MANSC4: variants seen among roughly 807,000 people sequenced by gnomAD.
MANSC4 encodes MANSC domain-containing protein 4.
In MANSC4, 11 loss-of-function variants were observed where a neutral mutation model predicts 11.4. The observed-to-expected ratio is 0.97, with a 90% CI of 0.61 to 1.60. The LOEUF (loss-of-function observed/expected upper bound fraction) is 1.60. Among genes scored for constraint, MANSC4 ranks in the 40% most tolerant of loss-of-function variants. The pLI is 0.00. For synonymous variants in MANSC4, 123 were observed against 147.1 expected (o/e 0.84, Z 1.19); for missense variants, 354 against 404.6 (o/e 0.88, Z 1.07).
intron 3 of MANSC4, 78 bp from the exon 4 acceptor site, chr12:27,763,474 G>A: frequency 7.3e-7 from 1 of 1,372,532 alleles, no homozygotes; most frequent in Non-Finnish European, 9.8e-7. Flanking sequence ...TGGAGAAGGG[G>A]TTGGCTTTTG....
At position 27,766,819 on chromosome 12, in the gene MANSC4, A is replaced by G. The variant is rs1324633468; in HGVS notation, c.230-20T>C. 2 of 1,549,558 alleles carry G rather than the reference A, an allele frequency of 1.3e-6. No individual in the cohort carries two copies. Among genetic ancestry groups the G allele is most frequent in the Non-Finnish European group, 1.7e-6 (2 of 1,146,196 alleles). ...AGGAAACTGAAAGGGAAACAAGCGAAGTACATCTGCAGATGGTCTCAATTT... is the reference window on the plus strand; with the variant it reads ...AGGAAACTGAAAGGGAAACAAGCGAGGTACATCTGCAGATGGTCTCAATTT... On this transcript the variant is annotated intron_variant, in intron 2 of 3. Transcript: ENST00000381273.
At chr12:27,778,724 C>T (rs2062129515) in intron 1 of MANSC4, among the ~76,000 whole-genome samples, 1 of 152,208 alleles carries the variant, frequency 6.6e-6, no homozygotes, top group Non-Finnish European at 1.5e-5. Flanking sequence ...CTTCTCCCTT[C>T]TCCTACCCAA....
intron 3 of MANSC4, among the ~76,000 whole-genome samples, chr12:27,765,068 C>G (rs1161385357): frequency 6.6e-6 from 1 of 152,140 alleles, no homozygotes; most frequent in Non-Finnish European, 1.5e-5. Flanking sequence ...AACTCCTGGG[C>G]TCAAGTGATC....
chr12:27,769,583 C>T (rs2062091168), intron 2 of MANSC4, among the ~76,000 whole-genome samples: 1 of 152,242 alleles, frequency 6.6e-6, no homozygotes, highest in Admixed American at 6.5e-5. Context: ...TATCTCCCCT[C>T]AGTGAGGACT....
At chr12:27,769,540 G>C (rs941396378) in intron 2 of MANSC4, among the ~76,000 whole-genome samples, 3 of 152,182 alleles carry the variant, frequency 2.0e-5, no homozygotes, top group Admixed American at 2.0e-4. Context: ...TTCATGCTAC[G>C]GGAAAATTCA....
At position 27,767,756 on chromosome 12, in the gene MANSC4, A is replaced by G. The variant is rs189527163; in HGVS notation, c.230-957T>C. Among the ~76,000 whole-genome samples, 418 of 152,320 alleles carry G rather than the reference A, an allele frequency of 2.7e-3. 3 individuals are homozygous for G. Among genetic ancestry groups the G allele is most frequent in the African/African-American group, 9.8e-3 (406 of 41,582 alleles). On this transcript the variant is annotated intron_variant, in intron 2 of 3. Transcript: ENST00000381273. ...ATTTATATATCAGGTTTCTAGGCAC[A>G]GTGTCCTCTCAGAATACTAAGGGGC...
chr12:27,764,347 CCTTA>C (rs886283983), intron 3 of MANSC4, among the ~76,000 whole-genome samples: 11 of 152,130 alleles, frequency 7.2e-5, no homozygotes, highest in African/African-American at 2.7e-4. Flanking sequence ...TCAATTGTTT[CCTTA>C]CTTCCTGATC....
intron 2 of MANSC4, 78 bp from the exon 3 acceptor site, chr12:27,766,877 T>C: frequency 6.9e-7 from 1 of 1,457,204 alleles, no homozygotes; most frequent in Non-Finnish European, 9.3e-7. Context: ...GTAACTTAGA[T>C]TTGTTTCAGG....
At chr12:27,774,012 GTGGCACACGGCTGTAATCC>G (rs2062109842) in intron 1 of MANSC4, among the ~76,000 whole-genome samples, 1 of 152,098 alleles carries the variant, frequency 6.6e-6, no homozygotes, top group Non-Finnish European at 1.5e-5. Flanking sequence ...GCTGGGTGTG[GTGGCACACGGCTGTAATCC>G]CAGCTACTCG....
At position 27,771,127 on chromosome 12, in the gene MANSC4, C is replaced by A. The variant is rs866584483; in HGVS notation, c.150G>T (p.Lys50Asn). 2 of 1,551,874 alleles carry A rather than the reference C, an allele frequency of 1.3e-6. No individual in the cohort carries two copies. Among genetic ancestry groups the A allele is most frequent in the African/African-American group, 1.4e-5 (1 of 73,200 alleles). Residue 50 changes from lysine to asparagine, a missense_variant, in exon 2 of 4, where the codon AAG becomes AAT. By Grantham distance (94) the Lys-to-Asn change is moderately conservative. Transcript: ENST00000381273. ...AATACTTCAAGAACTGGGCTCCCAGCTTCTGAGACTCCTCCAGATTGATTA... is the reference window on the plus strand; with the variant it reads ...AATACTTCAAGAACTGGGCTCCCAGATTCTGAGACTCCTCCAGATTGATTA... ...GLLINLEESQ[K>N]LGAQFLKYYS...
In MANSC4 at chr12:27,770,969, C is replaced by T. The variant is rs538909787; in HGVS notation, c.229+79G>A. On this transcript the variant is annotated intron_variant, in intron 2 of 3. Coordinates refer to ENST00000381273, the MANE Select transcript of MANSC4 (RefSeq NM_001146221.5). ...GTTCTTTACAACTGTTTACTGGCCTCTGCCTAAGGCTCCTCACTTAGGGCT... is the reference window on the plus strand; with the variant it reads ...GTTCTTTACAACTGTTTACTGGCCTTTGCCTAAGGCTCCTCACTTAGGGCT... The T allele has an allele frequency of 3.7e-5, 40 of 1,069,350 alleles. No individual in the cohort carries two copies. The African/African-American group carries it at 6.4e-4, about 17-fold the overall frequency. The allele number at this position is 1,069,350 out of a possible 1,614,324, so 66.2% of individuals were successfully genotyped here.
At position 27,762,984 on chromosome 12, in the gene MANSC4, T is replaced by G. The variant is rs747863783; in HGVS notation, c.777A>C (p.Leu259=). The G allele has an allele frequency of 5.2e-6, 8 of 1,551,694 alleles. No homozygotes were observed. The East Asian group carries it at 1.7e-4, about 33-fold the overall frequency. ...TGCTATTGTATCCTTTGGTTTTGTT[T>G]AGTAATTGTTTGCTACTGTTGAGTC... The part of the protein sequence containing the change: ...PPGLNSSKQL[L]NKTKGYNSRN... Residue 259 remains leucine (L), a synonymous_variant, in exon 4 of 4, where the codon CTA becomes CTC. Coordinates refer to ENST00000381273, the MANE Select transcript of MANSC4 (RefSeq NM_001146221.5).
At chr12:27,768,129 T>C (rs2062081277) in intron 2 of MANSC4, among the ~76,000 whole-genome samples, 1 of 152,150 alleles carries the variant, frequency 6.6e-6, no homozygotes, top group South Asian at 2.1e-4. Context: ...CCAGGCGCAG[T>C]GGCTCACACC....
intron 3 of MANSC4, among the ~76,000 whole-genome samples, chr12:27,765,553 CCTT>C (rs1239955357): frequency 2.0e-5 from 3 of 152,200 alleles, no homozygotes; most frequent in African/African-American, 7.2e-5. Flanking sequence ...CTTCTGCCTG[CCTT>C]CTTCCATGAA....
At chr12:27,778,054 C>T (rs972990788) in intron 1 of MANSC4, among the ~76,000 whole-genome samples, 1 of 151,756 alleles carries the variant, frequency 6.6e-6, no homozygotes, top group Non-Finnish European at 1.5e-5. Context: ...GGTGAAACCC[C>T]GTCTCTACTA....
intron 1 of MANSC4, among the ~76,000 whole-genome samples, chr12:27,777,554 C>T (rs1591811419): frequency 6.6e-6 from 1 of 152,250 alleles, no homozygotes; most frequent in East Asian, 1.9e-4. Flanking sequence ...CTCACTGCAC[C>T]CTCATAGAGA....
rs934608210 is a variant in MANSC4, at chr12:27,763,357, G to C, written c.404C>G (p.Thr135Arg). Reference protein sequence around the residue: ...PDLLVFEQSPTYLNTRSSSNR... With the variant: ...PDLLVFEQSPRYLNTRSSSNR... ...GGATGAAGAACGAGTATTTAGATAT[G>C]TGGGAGATTGTTCAAAAACCAGCAA... Residue 135 changes from threonine (T) to arginine (R), a missense_variant, in exon 4 of 4, where the codon ACA (threonine) becomes AGA (arginine). Transcript: ENST00000381273. The C allele has an allele frequency of 6.5e-7, 1 of 1,549,916 alleles. No homozygotes were observed. The highest frequency in any genetic ancestry group is 8.7e-7 in the Non-Finnish European group (1 of 1,145,876).
chr12:27,765,208 C>G (rs958551041), intron 3 of MANSC4, among the ~76,000 whole-genome samples: 2 of 152,224 alleles, frequency 1.3e-5, no homozygotes, highest in African/African-American at 2.4e-5. Flanking sequence ...CTTATTCAAT[C>G]TTCCCAATGC....
At chr12:27,763,606 A>C (rs938127389) in intron 3 of MANSC4, among the ~76,000 whole-genome samples, 6 of 151,872 alleles carry the variant, frequency 4.0e-5, no homozygotes, top group African/African-American at 1.4e-4. Context: ...TTTTTTTTTA[A>C]TGAACAAATT....
Sources: allele counts gnomAD v4.1 joint callset (sites outside exome capture counted in the v4.1 genomes callset), GRCh38; gene constraint gnomAD v4.1.1; transcripts MANE v1.5; gene names NCBI Gene and HGNC (gene_info 2026-07-23, HGNC 2026-07-21).